QTMAN: variants seen among roughly 807,000 people sequenced by gnomAD.
The protein encoded by QTMAN is queuosine-tRNA mannosyltransferase.
chr2:144,043,578 A>T, the QTMAN span, among the ~76,000 whole-genome samples: 1 of 151,776 alleles, frequency 6.6e-6, no homozygotes, highest in African/African-American at 2.4e-5. Flanking sequence ...GGTTGGAGTG[A>T]GCTGAGATCA....
the QTMAN span, among the ~76,000 whole-genome samples, chr2:144,197,737 A>G: frequency 6.6e-6 from 1 of 152,098 alleles, no homozygotes; most frequent in Non-Finnish European, 1.5e-5. Context: ...CCTACTATTA[A>G]TGTTCTCATT....
At chr2:144,246,173 G>A in the QTMAN span, among the ~76,000 whole-genome samples, 7 of 152,190 alleles carry the variant, frequency 4.6e-5, no homozygotes, top group Non-Finnish European at 7.3e-5. Context: ...CACATGTAAA[G>A]TATTAATACT....
At chr2:144,166,159 A>G in the QTMAN span, among the ~76,000 whole-genome samples, 7 of 152,186 alleles carry the variant, frequency 4.6e-5, no homozygotes, top group Non-Finnish European at 7.3e-5. Context: ...GACTATGACT[A>G]TGATTCCAAT....
the QTMAN span, among the ~76,000 whole-genome samples, chr2:143,980,270 T>C: frequency 4.9e-4 from 74 of 152,256 alleles, no homozygotes; most frequent in African/African-American, 1.8e-3. Flanking sequence ...CACTTGTAAG[T>C]GAGAACATGC....
chr2:144,208,724 G>C, the QTMAN span: 1 of 1,613,794 alleles, frequency 6.2e-7, no homozygotes, highest in South Asian at 1.1e-5. Flanking sequence ...TCTTGAAGAA[G>C]ATCCACCAGC....
At chr2:143,975,846 G>T in the QTMAN span, among the ~76,000 whole-genome samples, 4 of 152,238 alleles carry the variant, frequency 2.6e-5, no homozygotes, top group African/African-American at 9.6e-5. Flanking sequence ...AATATAGTTG[G>T]GTTGGGTTTA....
chr2:144,120,501 T>C, the QTMAN span, among the ~76,000 whole-genome samples: 1 of 152,184 alleles, frequency 6.6e-6, no homozygotes, highest in Non-Finnish European at 1.5e-5. Flanking sequence ...TATGAATAAA[T>C]TATAAGCTAA....
the QTMAN span, among the ~76,000 whole-genome samples, chr2:144,104,063 C>A: frequency 1.3e-5 from 2 of 152,292 alleles, no homozygotes; most frequent in African/African-American, 4.8e-5. Flanking sequence ...GCACTCCAGT[C>A]TGGGCAACAG....
At chr2:144,206,264 G>A in the QTMAN span, among the ~76,000 whole-genome samples, 9,147 of 152,200 alleles carry the variant, frequency 0.06, 357 homozygotes, top group South Asian at 0.16. Flanking sequence ...TGAGTTTAAT[G>A]ATTTCATGCA....
the QTMAN span, among the ~76,000 whole-genome samples, chr2:144,249,206 C>T: frequency 6.6e-6 from 1 of 152,100 alleles, no homozygotes; most frequent in Non-Finnish European, 1.5e-5. Context: ...AGAAACAGAA[C>T]TTTTCTGGGC....
At chr2:144,312,178 ATTCT>A in the QTMAN span, among the ~76,000 whole-genome samples, 1 of 145,992 alleles carries the variant, frequency 6.8e-6, no homozygotes, top group African/African-American at 2.5e-5. Context: ...TGGGAGTTAC[ATTCT>A]TTTTTTTTTT....
the QTMAN span, among the ~76,000 whole-genome samples, chr2:144,313,991 T>C: frequency 6.6e-6 from 1 of 151,916 alleles, no homozygotes; most frequent in South Asian, 2.1e-4. Flanking sequence ...AAGTTATATA[T>C]ATAATTATAA....
chr2:144,271,157 G>A, the QTMAN span, among the ~76,000 whole-genome samples: 1 of 152,246 alleles, frequency 6.6e-6, no homozygotes, highest in East Asian at 1.9e-4. Context: ...CATAGGAAGG[G>A]TAAGTGTAAA....
chr2:144,161,736 TTTA>T, the QTMAN span, among the ~76,000 whole-genome samples: 7 of 152,190 alleles, frequency 4.6e-5, no homozygotes, highest in Admixed American at 1.3e-4. Flanking sequence ...ACTATAAGAT[TTTA>T]TTATGGCAAT....
chr2:144,278,122 T>C, the QTMAN span, among the ~76,000 whole-genome samples: 2 of 152,162 alleles, frequency 1.3e-5, no homozygotes, highest in African/African-American at 4.8e-5. Context: ...AGCAGAGCAT[T>C]AGGGTTCTGA....
chr2:144,176,805 C>T, the QTMAN span, among the ~76,000 whole-genome samples: 5 of 152,166 alleles, frequency 3.3e-5, no homozygotes, highest in Non-Finnish European at 7.3e-5. Context: ...GCTGTACCAT[C>T]TCCTTGGACA....
the QTMAN span, among the ~76,000 whole-genome samples, chr2:144,048,145 C>G: frequency 1.3e-5 from 2 of 152,104 alleles, no homozygotes; most frequent in African/African-American, 2.4e-5. Flanking sequence ...TACAGAGGAC[C>G]CAGGGTGGGG....
At chr2:144,330,747 A>C in the QTMAN span, among the ~76,000 whole-genome samples, 1 of 152,214 alleles carries the variant, frequency 6.6e-6, no homozygotes, top group Middle Eastern at 3.2e-3. Context: ...ACTTTAGTAC[A>C]AGAGGTCTGA....
At chr2:144,199,089 G>A in the QTMAN span, among the ~76,000 whole-genome samples, 34 of 149,010 alleles carry the variant, frequency 2.3e-4, no homozygotes, top group Admixed American at 8.7e-4. Context: ...CTCTTGTTGC[G>A]CAGGCTAGAG....
Sources: gnomAD v4.1 joint callset for allele counts (sites outside exome capture counted in the v4.1 genomes callset) on GRCh38, gnomAD v4.1.1 for gene constraint, MANE v1.5 for transcripts, NCBI Gene and HGNC (gene_info 2026-07-23, HGNC 2026-07-21) for gene names.